PCDHGB2: variants seen among roughly 807,000 people sequenced by gnomAD.
The protein encoded by PCDHGB2 is protocadherin gamma subfamily B, 2, also known as protocadherin gamma-B2.
Under a neutral mutation model 59.3 loss-of-function variants are expected in PCDHGB2, and 55 were observed. That is an observed-to-expected ratio of 0.93 (90% confidence interval 0.75 to 1.16). PCDHGB2 has a LOEUF of 1.16. PCDHGB2 is among the 50% of genes most tolerant of loss of function. The pLI is 0.00. For synonymous variants in PCDHGB2, 516 were observed against 512.0 expected (o/e 1.01, Z -0.11); for missense variants, 1,228 against 1,198.5 (o/e 1.02, Z -0.36).
intron 1 of PCDHGB2, chr5:141,418,106 G>T (rs2096223296): frequency 6.2e-7 from 1 of 1,613,954 alleles, no homozygotes. Flanking sequence ...GCAGAGCGGG[G>T]ACTTACTTGT....
At chr5:141,459,863 G>A (rs182099511) in intron 1 of PCDHGB2, among the ~76,000 whole-genome samples, 2 of 152,242 alleles carry the variant, frequency 1.3e-5, no homozygotes, top group East Asian at 1.9e-4. Context: ...TGAAGCATTC[G>A]TTCATCTTTA....
chr5:141,490,517 C>T lies in PCDHGB2; in HGVS notation c.2422-4290C>T. 6.2e-7 allele frequency: 1 copy of T among 1,613,972 alleles called. No homozygotes were observed. The highest frequency in any genetic ancestry group is 2.2e-5 in the East Asian group (1 of 44,854). ...TCCCACTATATCATCGAGCTGCTGG[C>T]CAGCGATGCTGGTTCACCTTCCCTA... On this transcript the variant is annotated intron_variant, in intron 1 of 3. Coordinates refer to ENST00000522605, the MANE Select transcript of PCDHGB2 (RefSeq NM_018923.3). The surrounding 1 kb of genome is among the most constrained non-coding windows in gnomAD (Gnocchi z 5.4).
In PCDHGB2 at chr5:141,389,747, G is replaced by C. The variant is rs766506538; in HGVS notation, c.2421+27191G>C. 6 of 1,612,724 alleles carry C rather than the reference G, an allele frequency of 3.7e-6. No individual in the cohort carries two copies. The South Asian group carries it at 4.4e-5, about 12-fold the overall frequency. ...GGCTCTTCAGCCTGGGGCTGCGCAC[G>C]GGCGAAGTGCGCACAGCGCGTGCCT... is the stretch of plus-strand genomic sequence containing the variant. On this transcript the variant is annotated intron_variant, in intron 1 of 3. Coordinates refer to ENST00000522605, the MANE Select transcript of PCDHGB2 (RefSeq NM_018923.3).
intron 1 of PCDHGB2, among the ~76,000 whole-genome samples, chr5:141,381,794 T>C (rs901900634): frequency 1.3e-4 from 19 of 150,606 alleles, no homozygotes; most frequent in Admixed American, 9.3e-4. Context: ...GGCAAGGCAA[T>C]TCCCTCTTTC....
intron 1 of PCDHGB2, chr5:141,372,544 G>A (rs1768857250): frequency 2.5e-6 from 4 of 1,613,872 alleles, no homozygotes; most frequent in African/African-American, 1.3e-5. Context: ...CGCCTGCGAT[G>A]CTCCTCCAGA....
At position 141,360,108 on chromosome 5, in the gene PCDHGB2, T is replaced by C. The variant is rs376839446; in HGVS notation, c.-28T>C. The stretch of plus-strand genomic sequence containing the variant: ...ATCCCCGGAAGGCTTATTCCTCCTA[T>C]GGGCAAAGGAGCAAAGGGAGCCAGA... On this transcript the variant is annotated 5_prime_UTR_variant, in exon 1 of 4. It removes an upstream start codon present in the reference 5' UTR. Transcript: ENST00000522605. 6.4e-7 allele frequency: 1 copy of C among 1,555,128 alleles called. No homozygotes were observed. The highest frequency in any genetic ancestry group is 8.7e-7 in the Non-Finnish European group (1 of 1,150,260).
At chr5:141,377,892 C>T (rs1387473486) in intron 1 of PCDHGB2, 1 of 152,170 alleles carries the variant, frequency 6.6e-6, no homozygotes, top group Non-Finnish European at 1.5e-5. Context: ...TAGGATCCCC[C>T]TCTGTTGCCC....
rs746159671 is a variant in PCDHGB2, at chr5:141,399,684, G to A, written c.2421+37128G>A. The A allele has an allele frequency of 2.4e-5, 38 of 1,613,538 alleles. 1 individual carries two copies. In the South Asian group the frequency reaches 4.2e-4, roughly 18 times the overall value. On this transcript the variant is annotated intron_variant, in intron 1 of 3. Transcript: ENST00000522605. ...TCGCGCAGCGCGCCTTTGACTACGAGCAGCTGCGCACCTTCGAACTCACAC... is the reference window on the plus strand; with the variant it reads ...TCGCGCAGCGCGCCTTTGACTACGAACAGCTGCGCACCTTCGAACTCACAC...
intron 1 of PCDHGB2, among the ~76,000 whole-genome samples, chr5:141,386,528 T>G (rs1181319415): frequency 6.6e-6 from 1 of 152,148 alleles, no homozygotes; most frequent in African/African-American, 2.4e-5. Context: ...AAGACTCTTT[T>G]TAGACTAGTG....
chr5:141,501,621 A>T (rs1348614977), intron 2 of PCDHGB2, among the ~76,000 whole-genome samples: 1 of 152,100 alleles, frequency 6.6e-6, no homozygotes, highest in Non-Finnish European at 1.5e-5. Context: ...ACTCTGGTAT[A>T]GTCTCTCAAC....
chr5:141,433,176 T>A, intron 1 of PCDHGB2: 1 of 1,610,288 alleles, frequency 6.2e-7, no homozygotes, highest in Non-Finnish European at 8.5e-7. Flanking sequence ...AGTCATGGGT[T>A]AATTGAGGTG....
chr5:141,492,546 G>A (rs2154587552), intron 1 of PCDHGB2, among the ~76,000 whole-genome samples: 1 of 152,336 alleles, frequency 6.6e-6, no homozygotes, highest in East Asian at 1.9e-4. Flanking sequence ...GCTGGGCCGG[G>A]TCGCCTGGGG....
chr5:141,398,804 C>T, intron 1 of PCDHGB2: 1 of 1,614,012 alleles, frequency 6.2e-7, no homozygotes, highest in Non-Finnish European at 8.5e-7. Context: ...AGCGGCACCA[C>T]TGAGCTCCGG....
intron 2 of PCDHGB2, among the ~76,000 whole-genome samples, chr5:141,495,968 CTGTTACTCTTTCTT>C (rs1033811907): frequency 6.6e-6 from 1 of 152,126 alleles, no homozygotes; most frequent in African/African-American, 2.4e-5. Context: ...GCCTCTTTCT[CTGTTACTCTTTCTT>C]TATCTCTCTT....
rs2233613 is a variant in PCDHGB2 at position 141,511,203 on chromosome 5, G to A, written c.*30G>A. 0.14 allele frequency: 222,603 copies of A among 1,611,360 alleles called. 15,640 individuals carry two copies. The highest frequency in any genetic ancestry group is 0.18 in the Admixed American group (10,873 of 59,374). ...GAGGCCAGGCCAAGAGCCACAGGGC[G>A]GCCTCTCCCCAACCAGCCCAGCTTC... On this transcript the variant is annotated 3_prime_UTR_variant, in exon 4 of 4. Transcript: ENST00000522605.
chr5:141,375,817 G>A (rs376557886), intron 1 of PCDHGB2: 6 of 1,614,046 alleles, frequency 3.7e-6, no homozygotes, highest in Non-Finnish European at 4.2e-6. Flanking sequence ...TGGAGCTGGC[G>A]CCCCGCTCCG....
At chr5:141,453,087 T>G (rs2098755775) in intron 1 of PCDHGB2, among the ~76,000 whole-genome samples, 1 of 152,150 alleles carries the variant, frequency 6.6e-6, no homozygotes, top group Non-Finnish European at 1.5e-5. Context: ...TTGATTAGTA[T>G]ATTTTCTGTT....
At chr5:141,364,717 C>G in intron 1 of PCDHGB2, 1 of 1,613,970 alleles carries the variant, frequency 6.2e-7, no homozygotes, top group Non-Finnish European at 8.5e-7. Flanking sequence ...TTAATGATAA[C>G]TTCCCGCGTT....
chr5:141,415,739 G>A, intron 1 of PCDHGB2: 4 of 434,948 alleles, frequency 9.2e-6, no homozygotes, highest in Non-Finnish European at 1.3e-5. Context: ...TGTTTATTAA[G>A]GTTTTTTTTT....
Sources: gnomAD v4.1 joint callset for allele counts (sites outside exome capture counted in the v4.1 genomes callset) on GRCh38, gnomAD v4.1.1 for gene constraint, Gnocchi (gnomAD v3.1) non-coding constraint, MANE v1.5 for transcripts, NCBI Gene and HGNC (gene_info 2026-07-23, HGNC 2026-07-21) for gene names.